ARID1B: variants seen among roughly 807,000 people sequenced by gnomAD.
ARID1B encodes the protein AT-rich interaction domain 1B.
Under a neutral mutation model 212.3 loss-of-function variants are expected in ARID1B, and 30 were observed. The observed-to-expected ratio is 0.14, with a 90% CI of 0.11 to 0.19. ARID1B has a LOEUF of 0.19. Ranked by LOEUF, ARID1B falls within the 10% of genes least tolerant of loss-of-function variation. The pLI, the probability that ARID1B is intolerant of heterozygous loss-of-function variation, is 1.00. For synonymous variants in ARID1B, 1,402 were observed against 1,301.7 expected, an observed-to-expected ratio of 1.08 and a Z score of -1.66; for missense variants, 2,891 against 3,204.0, an observed-to-expected ratio of 0.90 and a Z score of 2.36.
intron 13 of ARID1B, chr6:157,186,440 A>G (rs965022611): frequency 2.1e-6 from 1 of 470,978 alleles, no homozygotes; most frequent in Non-Finnish European, 4.4e-6. Context: ...GAGCGCGTGC[A>G]GGGGGCTCCA....
chr6:156,790,138 A>G (rs1434852489), intron 1 of ARID1B, among the ~76,000 whole-genome samples: 1 of 152,242 alleles, frequency 6.6e-6, no homozygotes, highest in Non-Finnish European at 1.5e-5. Flanking sequence ...GAGCAATTCT[A>G]AAATGTTTAC....
chr6:156,895,927 A>G (rs773092818), intron 2 of ARID1B, among the ~76,000 whole-genome samples: 4 of 152,212 alleles, frequency 2.6e-5, no homozygotes, highest in Non-Finnish European at 4.4e-5. Flanking sequence ...AACAGTATAC[A>G]CTAATATCTT....
intron 6 of ARID1B, among the ~76,000 whole-genome samples, chr6:157,118,747 A>G (rs1787505623): frequency 2.0e-5 from 3 of 152,256 alleles, no homozygotes; most frequent in Admixed American, 2.0e-4. Flanking sequence ...CCAGCTATCC[A>G]GAAATAGGTT....
At chr6:157,126,918 T>A (rs752071877) in intron 6 of ARID1B, among the ~76,000 whole-genome samples, 1 of 152,208 alleles carries the variant, frequency 6.6e-6, no homozygotes, top group African/African-American at 2.4e-5. Flanking sequence ...GGCTTGCTAT[T>A]CGCAAACTCT....
chr6:156,957,858 T>C (rs1164997199), intron 4 of ARID1B, among the ~76,000 whole-genome samples: 1 of 152,174 alleles, frequency 6.6e-6, no homozygotes, highest in Non-Finnish European at 1.5e-5. Flanking sequence ...TACCCATGTG[T>C]TGAGTCCATC....
At chr6:156,981,334 A>G (rs1777591770) in intron 4 of ARID1B, among the ~76,000 whole-genome samples, 2 of 152,236 alleles carry the variant, frequency 1.3e-5, no homozygotes, top group Non-Finnish European at 2.9e-5. Flanking sequence ...CATCGAGTAT[A>G]TAGAATTAAG....
chr6:156,841,151 C>A (rs541591725), intron 2 of ARID1B, among the ~76,000 whole-genome samples: 3 of 152,322 alleles, frequency 2.0e-5, no homozygotes, highest in Non-Finnish European at 4.4e-5. Flanking sequence ...AGTGAGAGCA[C>A]AGTTCACATC....
chr6:156,924,470 G>C (rs1331945456), intron 3 of ARID1B, among the ~76,000 whole-genome samples: 2 of 152,184 alleles, frequency 1.3e-5, no homozygotes, highest in Non-Finnish European at 2.9e-5. Flanking sequence ...AGCGTGATTT[G>C]AACACAAGCA....
chr6:157,156,947 A>G (rs1397778701), intron 8 of ARID1B, among the ~76,000 whole-genome samples: 2 of 152,104 alleles, frequency 1.3e-5, no homozygotes, highest in African/African-American at 2.4e-5. Context: ...CGCCGACCTG[A>G]CCCTGACTCA....
At chr6:156,872,596 C>A (rs192323836) in intron 2 of ARID1B, among the ~76,000 whole-genome samples, 1 of 152,284 alleles carries the variant, frequency 6.6e-6, no homozygotes, top group East Asian at 1.9e-4. Context: ...GCTGAGCCAC[C>A]TCCCAAGGTG....
At chr6:156,916,483 A>T (rs1790366416) in intron 3 of ARID1B, among the ~76,000 whole-genome samples, 1 of 152,214 alleles carries the variant, frequency 6.6e-6, no homozygotes, top group African/African-American at 2.4e-5. Flanking sequence ...TATTTGAAGA[A>T]GTTGCTTCCA....
chr6:157,039,318 A>ATTTTTTTTTTTTTTTT (rs1215591720), intron 4 of ARID1B, among the ~76,000 whole-genome samples: 7 of 112,798 alleles, frequency 6.2e-5, no homozygotes, highest in East Asian at 2.3e-4. Flanking sequence ...GAAATTTGAC[A>ATTTTTTTTTTTTTTTT]TTTCTTTTTT....
chr6:157,039,680 TCC>T (rs1562569222), intron 4 of ARID1B, among the ~76,000 whole-genome samples: 1 of 100,416 alleles, frequency 1.0e-5, no homozygotes. Flanking sequence ...CTTCCTTCCT[TCC>T]TTCCTTCCTT....
chr6:156,959,925 C>CTT (rs138881152), intron 4 of ARID1B, among the ~76,000 whole-genome samples: 20,704 of 122,252 alleles, frequency 0.17, 2,069 homozygotes, highest in East Asian at 0.36. Flanking sequence ...TTGTCAGCTT[C>CTT]TTTTTTTTTT....
chr6:157,033,886 C>T (rs1475366852), intron 4 of ARID1B, among the ~76,000 whole-genome samples: 1 of 152,150 alleles, frequency 6.6e-6, no homozygotes, highest in African/African-American at 2.4e-5. Context: ...TATCCTAAAC[C>T]TGCCCCTTCA....
rs1380562564 is a variant in ARID1B at position 157,200,070 on chromosome 6, AAGCACTGGTCCCGG to A, written c.4480-630_4480-617del. Among the ~76,000 whole-genome samples the A allele has an allele frequency of 1.3e-5, 2 of 152,164 alleles. No individual in the cohort carries two copies. Among genetic ancestry groups the A allele is most frequent in the East Asian group, 3.9e-4 (2 of 5,192 alleles). On this transcript the variant is annotated intron_variant, in intron 17 of 19. Transcript: ENST00000636930. This position sits in a 1 kb window ranked among gnomAD's most constrained non-coding sequence, Gnocchi z 4.3. Reference sequence around the variant, plus strand: ...CATCAGAGTCCCACCTACCCCGATTAAGCACTGGTCCCGGAGCATCCTGGGAAGCAAGCTTAATA... The same window carrying A: ...CATCAGAGTCCCACCTACCCCGATTAAGCATCCTGGGAAGCAAGCTTAATA...
At chr6:157,026,446 TTTTA>T (rs1240783480) in intron 4 of ARID1B, among the ~76,000 whole-genome samples, 1 of 152,216 alleles carries the variant, frequency 6.6e-6, no homozygotes, top group Non-Finnish European at 1.5e-5. Flanking sequence ...TATGAAGTAG[TTTTA>T]TTTAATAAAG....
At chr6:157,188,802 G>T (rs1440118097) in intron 13 of ARID1B, among the ~76,000 whole-genome samples, 1 of 152,126 alleles carries the variant, frequency 6.6e-6, no homozygotes, top group African/African-American at 2.4e-5. Flanking sequence ...ATGATCTGGC[G>T]TGCTAAGGAC....
At chr6:157,122,501 C>T (rs76014293) in intron 6 of ARID1B, among the ~76,000 whole-genome samples, 7,907 of 152,300 alleles carry the variant, frequency 0.052, 319 homozygotes, top group Non-Finnish European at 0.081. Context: ...TCTAAATTAA[C>T]ACCATGTAAC....
Sources: allele counts gnomAD v4.1 joint callset (sites outside exome capture counted in the v4.1 genomes callset), GRCh38; gene constraint gnomAD v4.1.1; non-coding constraint Gnocchi (gnomAD v3.1); transcripts MANE v1.5; gene names NCBI Gene and HGNC (gene_info 2026-07-23, HGNC 2026-07-21).